Variants in SLFN12L observed in about 807,000 individuals in gnomAD.
SLFN12L encodes schlafen family member 12-like.
SLFN12L carries 34 observed loss-of-function variants against 34.8 expected under a neutral mutation model. The observed-to-expected ratio is 0.98, with a 90% CI of 0.74 to 1.30. The LOEUF (loss-of-function observed/expected upper bound fraction) is 1.30. Ranked by LOEUF, SLFN12L falls within the 50% of genes most tolerant of loss-of-function variation. SLFN12L has a pLI of 0.00. For missense variants in SLFN12L, 703 were observed against 696.2 expected, an observed-to-expected ratio of 1.01 and a Z score of -0.11; for synonymous variants, 259 against 247.5, an observed-to-expected ratio of 1.05 and a Z score of -0.44.
In SLFN12L at chr17:35,514,551, T is replaced by C. The variant is rs893343812; in HGVS notation, c.86+7728A>G. 4.6e-5 allele frequency among the ~76,000 whole-genome samples: 7 copies of C among 152,226 alleles called. No homozygotes were observed. The South Asian group carries it at 6.2e-4, about 13-fold the overall frequency. ...AAATCTGTGATATTTCAGTAGCTCA[T>C]AGTGTACTTAAAAAATGAAAAGATC... On this transcript the variant is annotated intron_variant, in intron 2 of 4. Coordinates refer to ENST00000628453, the MANE Select transcript of SLFN12L (RefSeq NM_001363830.2).
chr17:35,479,648 C>T lies in SLFN12L; in HGVS notation c.634G>A (p.Asp212Asn), dbSNP rs758173645. The change falls in exon 3 of 5, where the codon GAT becomes AAT. Residue 212 changes from aspartate to asparagine, a missense_variant. Coordinates refer to ENST00000628453, the MANE Select transcript of SLFN12L (RefSeq NM_001363830.2). ...PEFPAKRACV[D>N]VQEESNMEAL... ...TCCATGTTACTTTCTTCTTGTACATCAACACAGGCCCTTTTTGCAGGGAAT... is the reference window on the plus strand; with the variant it reads ...TCCATGTTACTTTCTTCTTGTACATTAACACAGGCCCTTTTTGCAGGGAAT... The T allele has an allele frequency of 2.5e-5, 41 of 1,610,946 alleles. No homozygotes were observed. Among genetic ancestry groups the T allele is most frequent in the Non-Finnish European group, 3.1e-5 (37 of 1,178,376 alleles).
intron 1 of SLFN12L, 141 bp downstream of exon 1, chr17:35,537,432 C>G (rs1296894428): frequency 6.6e-6 from 1 of 152,220 alleles, no homozygotes; most frequent in Non-Finnish European, 1.5e-5. Flanking sequence ...ACTTCATCCT[C>G]TCTTGCCTAA....
chr17:35,469,294 ATATATATAAAATATATATATAT>A lies in SLFN12L; in HGVS notation c.*5607_*5628del, dbSNP rs1913763325. On this transcript the variant is annotated 3_prime_UTR_variant, in exon 5 of 5. Transcript: ENST00000628453. ...GCAGGACCTGTTTTATATAAAATAT[ATATATATAAAATATATATATAT>A]TATATATATAAATATATATATAATA... 7.2e-6 allele frequency among the ~76,000 whole-genome samples: 1 copy of A among 139,650 alleles called. No individual in the cohort carries two copies. Among genetic ancestry groups the A allele is most frequent in the Non-Finnish European group, 1.5e-5 (1 of 66,180 alleles). 91.6% of individuals were successfully genotyped at this position (139,650 alleles called of 152,430 possible).
chr17:35,498,068 C>A lies in SLFN12L; in HGVS notation c.87-17873G>T, dbSNP rs1227846425. 3.4e-5 allele frequency: 18 copies of A among 531,152 alleles called. No individual in the cohort carries two copies. The East Asian group carries it at 5.6e-4, about 17-fold the overall frequency. The allele number at this position is 531,152 out of a possible 1,614,324, so 32.9% of individuals were successfully genotyped here. ...AGAGTCACAGAGCGGCCGCCCAGAG[C>A]GGCGGCGAGGGCGGCGGGGCGCGGG... On this transcript the variant is annotated intron_variant, in intron 2 of 4. Coordinates refer to ENST00000628453, the MANE Select transcript of SLFN12L (RefSeq NM_001363830.2).
rs1281409409 is a variant in SLFN12L at position 35,474,955 on chromosome 17, C to CAAACAAACAAAAACG, written c.1792_1806dup (p.Arg598_Phe602dup). On this transcript the variant is annotated inframe_insertion, in exon 5 of 5. Coordinates refer to ENST00000628453, the MANE Select transcript of SLFN12L (RefSeq NM_001363830.2). ...AAGAAAAAACAAACAAACCAACAAA[C>CAAACAAACAAAAACG]AAACAAACAAAAACGAAACAAACAA... is the stretch of plus-strand genomic sequence containing the variant. 1.3e-6 allele frequency: 2 copies of CAAACAAACAAAAACG among 1,550,650 alleles called. No individual in the cohort carries two copies. Among genetic ancestry groups the CAAACAAACAAAAACG allele is most frequent in the Non-Finnish European group, 1.7e-6 (2 of 1,146,672 alleles).
At chr17:35,507,669 A>G (rs1915508304) in intron 2 of SLFN12L, among the ~76,000 whole-genome samples, 1 of 152,252 alleles carries the variant, frequency 6.6e-6, no homozygotes, top group Non-Finnish European at 1.5e-5. Context: ...AGTGCTAAGA[A>G]GATTTAAAAC....
chr17:35,504,158 A>T (rs183288765), intron 2 of SLFN12L, among the ~76,000 whole-genome samples: 6 of 152,264 alleles, frequency 3.9e-5, no homozygotes, highest in Admixed American at 1.3e-4. Context: ...ACAGCTCTCT[A>T]CTTCAGAAAA....
chr17:35,489,030 A>G (rs1408177873), intron 2 of SLFN12L, among the ~76,000 whole-genome samples: 3 of 152,168 alleles, frequency 2.0e-5, no homozygotes, highest in Non-Finnish European at 4.4e-5. Context: ...AGATCCCGCC[A>G]CTGCACTCCA....
chr17:35,533,091 G>A (rs2072426892), intron 1 of SLFN12L, among the ~76,000 whole-genome samples: 1 of 151,970 alleles, frequency 6.6e-6, no homozygotes. Context: ...TTTACAATTT[G>A]TAAACATCAA....
intron 2 of SLFN12L, among the ~76,000 whole-genome samples, chr17:35,486,470 C>T (rs888360413): frequency 3.9e-5 from 6 of 152,192 alleles, no homozygotes; most frequent in Non-Finnish European, 5.9e-5. Flanking sequence ...TTATAGAGGA[C>T]CGAGCACTTG....
At chr17:35,530,741 A>G (rs1032395543) in intron 1 of SLFN12L, among the ~76,000 whole-genome samples, 1 of 152,144 alleles carries the variant, frequency 6.6e-6, no homozygotes, top group African/African-American at 2.4e-5. Flanking sequence ...ATAAAACTTA[A>G]CTGTGCTATG....
chr17:35,511,655 G>T lies in SLFN12L; in HGVS notation c.86+10624C>A, dbSNP rs74664207. Among the ~76,000 whole-genome samples, 1,728 of 152,016 alleles carry T rather than the reference G, an allele frequency of 0.011. 94 individuals are homozygous for T. In the East Asian group the frequency reaches 0.18, roughly 16 times the overall value. ...CTACTCAGGAGCAGGAGGCTGAGGT[G>T]GAAGGATCCCTTGAGCCCAAGTATT... On this transcript the variant is annotated intron_variant, in intron 2 of 4. Transcript: ENST00000628453.
At chr17:35,512,724 G>A (rs1468568763) in intron 2 of SLFN12L, among the ~76,000 whole-genome samples, 1 of 152,144 alleles carries the variant, frequency 6.6e-6, no homozygotes, top group Non-Finnish European at 1.5e-5. Flanking sequence ...TTAAAGCACT[G>A]AAGTTGTCAT....
intron 2 of SLFN12L, among the ~76,000 whole-genome samples, chr17:35,517,392 TAA>T (rs1189884954): frequency 4.6e-5 from 7 of 152,054 alleles, no homozygotes; most frequent in African/African-American, 1.7e-4. Context: ...CTTAAGGAAA[TAA>T]GAGAGGACAC....
chr17:35,505,261 A>C (rs1915428402), intron 2 of SLFN12L, among the ~76,000 whole-genome samples: 2 of 152,156 alleles, frequency 1.3e-5, no homozygotes, highest in African/African-American at 4.8e-5. Context: ...AAAATCTTTA[A>C]CACTATATGT....
rs757738208 is a variant in SLFN12L, at chr17:35,480,074, T to A, written c.208A>T (p.Arg70Ter). 3.7e-6 allele frequency: 6 copies of A among 1,614,188 alleles called. No homozygotes were observed. The highest frequency in any genetic ancestry group is 5.1e-6 in the Non-Finnish European group (6 of 1,180,022). Residue 70 changes from arginine (R) to a stop codon, truncating the protein, a stop_gained, in exon 3 of 5, where the codon AGA becomes TGA. Coordinates refer to ENST00000628453, the MANE Select transcript of SLFN12L (RefSeq NM_001363830.2). LOFTEE classifies it high-confidence loss of function. Reference protein sequence around the residue: ...VGRVTLGENNRKKMKDCQLRK... With the variant: ...VGRVTLGENN ...AGTTGACAATCCTTCATTTTTTTTC[T>A]ATTGTTCTCTCCAAGAGTGACTCTT...
At chr17:35,513,087 G>A (rs1915708909) in intron 2 of SLFN12L, among the ~76,000 whole-genome samples, 1 of 152,156 alleles carries the variant, frequency 6.6e-6, no homozygotes, top group African/African-American at 2.4e-5. Flanking sequence ...CTGCACTGGG[G>A]TGGATTTGGG....
chr17:35,466,737 C>A lies in SLFN12L; in HGVS notation c.*8186G>T, dbSNP rs1158419804. Reference sequence around the variant, plus strand: ...CAACAGACAGACCCATTGGTGCCTGCATTGATTCCTTTACTGAAGAGACTT... The same window carrying A: ...CAACAGACAGACCCATTGGTGCCTGAATTGATTCCTTTACTGAAGAGACTT... On this transcript the variant is annotated 3_prime_UTR_variant, in exon 5 of 5. Coordinates refer to ENST00000628453, the MANE Select transcript of SLFN12L (RefSeq NM_001363830.2). 2.0e-5 allele frequency among the ~76,000 whole-genome samples: 3 copies of A among 152,184 alleles called. No individual in the cohort carries two copies. The highest frequency in any genetic ancestry group is 2.9e-5 in the Non-Finnish European group (2 of 68,032).
In SLFN12L at chr17:35,478,094, T is replaced by G; in HGVS notation, c.1257A>C (p.Pro419=). 6.5e-7 allele frequency: 1 copy of G among 1,541,066 alleles called. No homozygotes were observed. Among genetic ancestry groups the G allele is most frequent in the Non-Finnish European group, 8.8e-7 (1 of 1,138,430 alleles). Residue 419 remains proline (P), a synonymous_variant, in exon 4 of 5, where the codon CCA becomes CCC. Transcript: ENST00000628453. ...LREYINFKIQ[P]LRYHLPGLSE... ...AATTACCTGGAAGGTGATATCTCAG[T>G]GGCTGAATTTTGAAGTTAATATATT...
Sources: allele counts gnomAD v4.1 joint callset (sites outside exome capture counted in the v4.1 genomes callset), GRCh38; gene constraint gnomAD v4.1.1; transcripts MANE v1.5; gene names NCBI Gene and HGNC (gene_info 2026-07-23, HGNC 2026-07-21).